COL4A1: variants seen among roughly 807,000 people sequenced by gnomAD.
COL4A1 encodes the protein collagen alpha-1(IV) chain.
A neutral mutation model predicts 216.6 loss-of-function variants in COL4A1; 40 were observed. The observed-to-expected ratio is 0.18, with a 90% confidence interval of 0.14 to 0.24. The LOEUF is 0.24. Ranked by LOEUF, COL4A1 falls within the 10% of genes least tolerant of loss-of-function variation. The pLI, the probability that COL4A1 is intolerant of heterozygous loss-of-function variation, is 1.00. For synonymous variants in COL4A1, 839 were observed against 810.7 expected (o/e 1.03, Z -0.59); for missense variants, 1,628 against 2,196.8 (o/e 0.74, Z 5.18).
Position 110,250,577 on chromosome 13 carries a change from G to A in COL4A1, c.85-7843C>T, listed in dbSNP as rs9588126. Among the ~76,000 whole-genome samples, 1,138 of 152,280 alleles carry A rather than the reference G, an allele frequency of 7.5e-3. 16 individuals carry two copies. Among genetic ancestry groups the A allele is most frequent in the African/African-American group, 0.026 (1,077 of 41,552 alleles). On this transcript the variant is annotated intron_variant, in intron 1 of 51. Coordinates refer to ENST00000375820, the MANE Select transcript of COL4A1 (RefSeq NM_001845.6). ...CCTGGAGGGAATGACCATGAAGACC[G>A]GCACTTCACCTCCAGGTCATTGGTC...
rs963179102 is a variant in COL4A1, at chr13:110,268,699, AC to A, written c.85-25966del. On this transcript the variant is annotated intron_variant, in intron 1 of 51. Transcript: ENST00000375820. This position sits in a 1 kb window ranked among gnomAD's most constrained non-coding sequence, Gnocchi z 4.1. ...TCCAAACCCGGGTGCCTTGTCCATG[AC>A]CCCATGTGGGAATGACACCTGCCTC... 3.9e-5 allele frequency among the ~76,000 whole-genome samples: 6 copies of A among 152,090 alleles called. No individual in the cohort carries two copies. The highest frequency in any genetic ancestry group is 1.4e-4 in the African/African-American group (6 of 41,480).
At position 110,174,426 on chromosome 13, in the gene COL4A1, T is replaced by C; in HGVS notation, c.3406+20A>G. On this transcript the variant is annotated intron_variant, in intron 39 of 51. Transcript: ENST00000375820. ...CTGTTCTCTATGTGCCCGGGCTGTG[T>C]CCCAAAGAGGGCCCTCTACCTGCTT... 1 of 1,612,834 alleles carries C rather than the reference T, an allele frequency of 6.2e-7. No individual in the cohort carries two copies. The highest frequency in any genetic ancestry group is 8.5e-7 in the Non-Finnish European group (1 of 1,179,786).
At chr13:110,270,044 C>A (rs1883190066) in intron 1 of COL4A1, among the ~76,000 whole-genome samples, 1 of 152,114 alleles carries the variant, frequency 6.6e-6, no homozygotes, top group Non-Finnish European at 1.5e-5. Context: ...AGCCTTCACC[C>A]CGCACTCCAC....
Position 110,178,942 on chromosome 13 carries a change from C to T in COL4A1, c.2439G>A (p.Gln813=). 6.2e-7 allele frequency: 1 copy of T among 1,611,932 alleles called. No individual in the cohort carries two copies. The highest frequency in any genetic ancestry group is 8.5e-7 in the Non-Finnish European group (1 of 1,179,492). The change falls in exon 31 of 52, where the codon CAG becomes CAA. Residue 813 remains glutamine, a synonymous_variant. Transcript: ENST00000375820. Reference sequence around the variant, plus strand: ...ACTCACCTGACAACCCCGGTGGTCCCTGTCCTCCAGGGGGACCCCTAGCTC... The same window carrying T: ...ACTCACCTGACAACCCCGGTGGTCCTTGTCCTCCAGGGGGACCCCTAGCTC... ...PPGARGPPGG[Q]GPPGLSGPPG... is the part of the protein sequence containing the mutation.
chr13:110,163,319 A>G (rs1877171724), intron 47 of COL4A1, 144 bp downstream of exon 47: 1 of 746,450 alleles, frequency 1.3e-6, no homozygotes, highest in Non-Finnish European at 2.4e-6. Context: ...ATTTGATTCT[A>G]TTTCTTCTAA....
intron 48 of COL4A1, 66 bp downstream of exon 48, chr13:110,162,164 C>G (rs977780860): frequency 7.1e-7 from 1 of 1,402,640 alleles, no homozygotes; most frequent in African/African-American, 1.4e-5. Context: ...GCGAGTCCAG[C>G]ACTGCACACC....
chr13:110,288,890 G>A (rs565288213), intron 1 of COL4A1, among the ~76,000 whole-genome samples: 1 of 152,304 alleles, frequency 6.6e-6, no homozygotes, highest in African/African-American at 2.4e-5. Flanking sequence ...AAATTAGCTG[G>A]GTGTGGTGGC....
chr13:110,212,645 C>CA (rs1879869750), intron 4 of COL4A1, 27 bp from the exon 5 acceptor site: 1 of 1,613,008 alleles, frequency 6.2e-7, no homozygotes, highest in East Asian at 2.2e-5. Context: ...AAAAGCGTGT[C>CA]AGTGAAGAGC....
intron 49 of COL4A1, 119 bp from the exon 50 acceptor site, chr13:110,155,516 A>G: frequency 1.4e-6 from 1 of 739,770 alleles, no homozygotes; most frequent in Non-Finnish European, 2.4e-6. Flanking sequence ...CCAATTACAT[A>G]TTAAGTAGAA....
intron 45 of COL4A1, among the ~76,000 whole-genome samples, chr13:110,165,685 A>C (rs1877306557): frequency 1.3e-5 from 2 of 152,078 alleles, no homozygotes; most frequent in Admixed American, 6.5e-5. Context: ...TGGTTTGGAA[A>C]ATTAAATGAT....
intron 51 of COL4A1, among the ~76,000 whole-genome samples, chr13:110,151,203 T>C (rs78916676): frequency 0.025 from 3,785 of 152,300 alleles, 61 homozygotes; most frequent in East Asian, 0.037. Context: ...TTATTAACTT[T>C]TGGTGCAAAT....
At chr13:110,263,448 CTTATTA>C (rs1566427690) in intron 1 of COL4A1, among the ~76,000 whole-genome samples, 2 of 151,944 alleles carry the variant, frequency 1.3e-5, no homozygotes, top group Non-Finnish European at 2.9e-5. Context: ...GCGTATTATT[CTTATTA>C]TTATTTTAAA....
chr13:110,266,945 T>A (rs1883059469), intron 1 of COL4A1, among the ~76,000 whole-genome samples: 1 of 152,140 alleles, frequency 6.6e-6, no homozygotes, highest in African/African-American at 2.4e-5. Flanking sequence ...AAATGTTTAA[T>A]CAGGGTAATG....
chr13:110,150,620 A>T (rs1489559977), intron 51 of COL4A1, among the ~76,000 whole-genome samples, 176 bp from the exon 52 acceptor site: 1 of 152,212 alleles, frequency 6.6e-6, no homozygotes, highest in Non-Finnish European at 1.5e-5. Flanking sequence ...ACACGGTCCC[A>T]CGCACACAGA....
intron 1 of COL4A1, among the ~76,000 whole-genome samples, chr13:110,271,343 T>C (rs1328238378): frequency 6.6e-6 from 1 of 152,050 alleles, no homozygotes; most frequent in Non-Finnish European, 1.5e-5. Context: ...ACAAGATACA[T>C]ATTAGGAGCC....
At chr13:110,260,719 T>A (rs1248301696) in intron 1 of COL4A1, among the ~76,000 whole-genome samples, 3 of 152,150 alleles carry the variant, frequency 2.0e-5, no homozygotes, top group Non-Finnish European at 4.4e-5. Context: ...CACAACAGTA[T>A]GACTGTACTC....
At chr13:110,259,143 T>C (rs550289836) in intron 1 of COL4A1, among the ~76,000 whole-genome samples, 1 of 152,352 alleles carries the variant, frequency 6.6e-6, no homozygotes, top group Admixed American at 6.5e-5. Context: ...TTTTTCCATC[T>C]TGTTAATTTG....
chr13:110,198,048 C>G (rs1405269910), intron 21 of COL4A1, among the ~76,000 whole-genome samples: 1 of 149,574 alleles, frequency 6.7e-6, no homozygotes, highest in Non-Finnish European at 1.5e-5. Context: ...GTAATCTTTA[C>G]CCATGTAATC....
intron 1 of COL4A1, among the ~76,000 whole-genome samples, chr13:110,298,111 AAAT>A (rs1273632468): frequency 6.6e-6 from 1 of 152,196 alleles, no homozygotes; most frequent in African/African-American, 2.4e-5. Context: ...GATCAACATG[AAAT>A]AATAAAGAAG....
Sources: gnomAD v4.1 joint callset for allele counts (sites outside exome capture counted in the v4.1 genomes callset) on GRCh38, gnomAD v4.1.1 for gene constraint, Gnocchi (gnomAD v3.1) non-coding constraint, MANE v1.5 for transcripts, NCBI Gene and HGNC (gene_info 2026-07-23, HGNC 2026-07-21) for gene names.